DLGAP1: variants seen among roughly 807,000 people sequenced by gnomAD.
The protein encoded by DLGAP1 is disks large-associated protein 1.
Under a neutral mutation model 90.8 loss-of-function variants are expected in DLGAP1, and 11 were observed. The observed-to-expected ratio is 0.12, with a 90% CI of 0.08 to 0.20. The LOEUF is 0.20. DLGAP1 is among the 10% of genes least tolerant of loss of function. The pLI is 1.00. For synonymous variants in DLGAP1, 558 were observed against 540.7 expected, an observed-to-expected ratio of 1.03 and a Z score of -0.44; for missense variants, 1,050 against 1,333.8, an observed-to-expected ratio of 0.79 and a Z score of 3.31.
chr18:3,736,789 A>C (rs375457566), intron 6 of DLGAP1, among the ~76,000 whole-genome samples: 3 of 152,096 alleles, frequency 2.0e-5, no homozygotes, highest in Admixed American at 1.3e-4. Flanking sequence ...ACTGAAGGAA[A>C]TAGAGACACA....
At chr18:4,252,363 GA>G in intron 1 of DLGAP1, among the ~76,000 whole-genome samples, 1 of 152,262 alleles carries the variant, frequency 6.6e-6, no homozygotes, top group Admixed American at 6.5e-5. Flanking sequence ...CAATTTGGGG[GA>G]AGGGATATTT....
At chr18:4,243,906 A>G (rs1293343750) in intron 1 of DLGAP1, among the ~76,000 whole-genome samples, 3 of 152,200 alleles carry the variant, frequency 2.0e-5, no homozygotes, top group Non-Finnish European at 1.5e-5. Flanking sequence ...GGAACATTTT[A>G]TCCCTACCTT....
intron 3 of DLGAP1, among the ~76,000 whole-genome samples, chr18:4,000,007 T>C (rs948687271): frequency 1.3e-5 from 2 of 151,998 alleles, no homozygotes; most frequent in African/African-American, 4.8e-5. Flanking sequence ...GGGAATAGGG[T>C]TCTCACTTTG....
At chr18:4,411,954 G>A (rs1392133924) in intron 1 of DLGAP1, among the ~76,000 whole-genome samples, 2 of 152,212 alleles carry the variant, frequency 1.3e-5, no homozygotes, top group Non-Finnish European at 2.9e-5. Flanking sequence ...GGTTCAAGGG[G>A]AGCAAAAAAT....
At chr18:4,375,479 A>G (rs2081996659) in intron 1 of DLGAP1, among the ~76,000 whole-genome samples, 1 of 152,150 alleles carries the variant, frequency 6.6e-6, no homozygotes, top group African/African-American at 2.4e-5. Context: ...TCCAAAAGCC[A>G]CTTGTCTACT....
chr18:3,548,203 T>C (rs1225282880), intron 9 of DLGAP1, among the ~76,000 whole-genome samples: 2 of 152,206 alleles, frequency 1.3e-5, no homozygotes, highest in Admixed American at 6.5e-5. Context: ...ATGTAGTTAA[T>C]GCCACTGAAT....
intron 2 of DLGAP1, among the ~76,000 whole-genome samples, chr18:4,070,734 T>C (rs539917889): frequency 2.6e-5 from 4 of 152,116 alleles, no homozygotes; most frequent in East Asian, 1.9e-4. Context: ...TCCACAAAGA[T>C]ATAATAATCA....
intron 2 of DLGAP1, among the ~76,000 whole-genome samples, chr18:4,109,693 C>A (rs1463898779): frequency 1.3e-5 from 2 of 152,132 alleles, no homozygotes; most frequent in African/African-American, 2.4e-5. Flanking sequence ...CTCTAGGACT[C>A]CAGCCTATAC....
chr18:4,265,544 CCCTT>C (rs369029520), intron 1 of DLGAP1, among the ~76,000 whole-genome samples: 1,337 of 116,578 alleles, frequency 0.011, 37 homozygotes, highest in South Asian at 0.019. Flanking sequence ...TCCTTCCCTC[CCCTT>C]CCTTCCTTCC....
intron 2 of DLGAP1, among the ~76,000 whole-genome samples, chr18:4,037,101 C>T (rs1412946690): frequency 6.6e-6 from 1 of 152,120 alleles, no homozygotes; most frequent in African/African-American, 2.4e-5. Flanking sequence ...CACTGAAATA[C>T]TAGAAGGCAA....
At chr18:3,946,855 T>C (rs1161882826) in intron 3 of DLGAP1, among the ~76,000 whole-genome samples, 1 of 152,214 alleles carries the variant, frequency 6.6e-6, no homozygotes, top group African/African-American at 2.4e-5. Context: ...AACTGATAAA[T>C]TGCATTCATC....
At chr18:3,588,509 C>T (rs1183883970) in intron 7 of DLGAP1, among the ~76,000 whole-genome samples, 3 of 151,398 alleles carry the variant, frequency 2.0e-5, no homozygotes, top group South Asian at 2.1e-4. Flanking sequence ...CGGCAGAGTG[C>T]GGTGGCTCGC....
intron 1 of DLGAP1, among the ~76,000 whole-genome samples, chr18:4,260,612 TTTA>T (rs1157498793): frequency 6.6e-6 from 1 of 152,166 alleles, no homozygotes; most frequent in African/African-American, 2.4e-5. Context: ...CTAAATTGCT[TTTA>T]TTATTTAATA....
chr18:3,700,162 A>C (rs2061232341), intron 7 of DLGAP1, among the ~76,000 whole-genome samples: 1 of 152,084 alleles, frequency 6.6e-6, no homozygotes, highest in Admixed American at 6.6e-5. Flanking sequence ...TCCAGGCACC[A>C]CTGGGGTATG....
chr18:3,670,633 G>A (rs924545864), intron 7 of DLGAP1, among the ~76,000 whole-genome samples: 3 of 152,078 alleles, frequency 2.0e-5, no homozygotes, highest in Admixed American at 6.5e-5. Flanking sequence ...AAAATTCAAG[G>A]GTTTGTTTTC....
intron 1 of DLGAP1, among the ~76,000 whole-genome samples, chr18:4,453,263 A>G (rs1429899585): frequency 6.6e-6 from 1 of 152,218 alleles, no homozygotes; most frequent in African/African-American, 2.4e-5. Flanking sequence ...AACCAAGGGT[A>G]GCGTTTATAA....
At chr18:3,707,926 C>T (rs1057324889) in intron 7 of DLGAP1, among the ~76,000 whole-genome samples, 6 of 151,984 alleles carry the variant, frequency 3.9e-5, no homozygotes, top group African/African-American at 1.4e-4. Context: ...GCCAGGTCTG[C>T]AATCTCTTTT....
rs35705949 is a variant in DLGAP1, at chr18:4,045,787, CTT to C, written c.-158-40588_-158-40587del. On this transcript the variant is annotated intron_variant, in intron 2 of 12. Coordinates refer to ENST00000315677, the MANE Select transcript of DLGAP1 (RefSeq NM_004746.4). ...TCGTTTAAAAGGTTAATCTTTAAAA[CTT>C]TTTTTTTTTTTTTTTTTAAAGTTAG... Among the ~76,000 whole-genome samples the C allele has an allele frequency of 5.9e-3, 782 of 132,122 alleles. 4 individuals carry two copies. Among genetic ancestry groups the C allele is most frequent in the African/African-American group, 0.011 (397 of 34,942 alleles). 86.7% of individuals were successfully genotyped at this position (132,122 alleles called of 152,430 possible).
At chr18:4,396,585 C>G (rs55990619) in intron 1 of DLGAP1, among the ~76,000 whole-genome samples, 122,880 of 152,142 alleles carry the variant, frequency 0.81, 51,036 homozygotes, top group East Asian at 1. Context: ...TGGGTATTGG[C>G]GCTCTCTGAG....
Sources: allele counts gnomAD v4.1 joint callset (sites outside exome capture counted in the v4.1 genomes callset), GRCh38; gene constraint gnomAD v4.1.1; transcripts MANE v1.5; gene names NCBI Gene and HGNC (gene_info 2026-07-23, HGNC 2026-07-21).